The following HERC1 variants were observed in gnomAD, a reference collection of about 807,000 sequenced individuals.
HERC1 encodes the protein probable E3 ubiquitin-protein ligase HERC1.
In HERC1, 160 loss-of-function variants were observed where a neutral mutation model predicts 554.3. The observed-to-expected ratio is 0.29, with a 90% CI of 0.25 to 0.33. The LOEUF (loss-of-function observed/expected upper bound fraction) is 0.33. HERC1 is among the 10% of genes least tolerant of loss of function. The pLI is 1.00. For missense variants in HERC1, 4,919 were observed against 5,918.5 expected (o/e 0.83, Z 5.54); for synonymous variants, 2,175 against 2,131.7 (o/e 1.02, Z -0.56).
At chr15:63,713,311 G>A in intron 23 of HERC1, 42 bp downstream of exon 23, 2 of 1,492,536 alleles carry the variant, frequency 1.3e-6, no homozygotes, top group East Asian at 2.3e-5. Context: ...AGTAATAAAG[G>A]GAAGTGAGTA....
chr15:63,689,632 T>A lies in HERC1; in HGVS notation c.6005A>T (p.His2002Leu), dbSNP rs2071988466. The A allele has an allele frequency of 6.3e-7, 1 of 1,585,410 alleles. No individual in the cohort carries two copies. The change falls in exon 33 of 78, where the codon CAT (histidine) becomes CTT (leucine). Residue 2002 changes from histidine (H) to leucine (L), a missense_variant. Around this residue, in one of 11 missense-constraint regions of HERC1, gnomAD observed 1,121 missense variants for 1,244.0 expected, o/e 0.90. Transcript: ENST00000443617. The part of the protein sequence containing the change: ...MWETPIAQAK[H>L]AIQIKEKEQE... ...TTCTTTTTCCTTTATCTGAATAGCA[T>A]GTTTGGCCTGAGCAATGGGTGTCTC...
chr15:63,617,252 C>T (rs1021654435), intron 74 of HERC1, among the ~76,000 whole-genome samples: 3 of 152,166 alleles, frequency 2.0e-5, no homozygotes, highest in South Asian at 2.1e-4. Context: ...TGAGTGAGAA[C>T]ACGAAGTGTT....
At chr15:63,682,863 C>G (rs2071547951) in intron 34 of HERC1, among the ~76,000 whole-genome samples, 1 of 151,198 alleles carries the variant, frequency 6.6e-6, no homozygotes, top group Non-Finnish European at 1.5e-5. Context: ...AGGCTGGGCA[C>G]AATGGCTCAT....
In HERC1 at chr15:63,616,038, G is replaced by A. The variant is rs939066403; in HGVS notation, c.13942-118C>T. 2.1e-5 allele frequency: 18 copies of A among 876,066 alleles called. No individual in the cohort carries two copies. In the Admixed American group the frequency reaches 3.2e-4, roughly 15 times the overall value. 54.3% of individuals were successfully genotyped at this position (876,066 alleles called of 1,614,324 possible). A position where few individuals can be genotyped will look rare whatever the true frequency, so the allele number is the denominator to read the frequency against. ...CACAATTTTTAAGGATAAAAACAAG[G>A]AACACAAAACAGGTAGGACTGATCA... On this transcript the variant is annotated intron_variant, in intron 75 of 77. Transcript: ENST00000443617.
chr15:63,747,235 G>A (rs2075087781), intron 11 of HERC1, among the ~76,000 whole-genome samples, 152 bp from the exon 12 acceptor site: 2 of 152,096 alleles, frequency 1.3e-5, no homozygotes, highest in East Asian at 3.9e-4. Flanking sequence ...GGAGGTGGGT[G>A]GATCACCTGA....
At chr15:63,763,958 C>T in intron 3 of HERC1, 138 bp downstream of exon 3, 3 of 144,904 alleles carry the variant, frequency 2.1e-5, no homozygotes, top group Non-Finnish European at 4.4e-5. Context: ...ATACCCAGTT[C>T]CTCTCTCTAG....
At chr15:63,725,224 G>C (rs1027618493) in intron 18 of HERC1, 68 bp downstream of exon 18, 1 of 1,358,424 alleles carries the variant, frequency 7.4e-7, no homozygotes, top group Admixed American at 2.0e-5. Flanking sequence ...TAGCAAATCA[G>C]AATAGAGAAA....
chr15:63,726,289 A>G (rs2074037915), intron 17 of HERC1, among the ~76,000 whole-genome samples: 2 of 152,280 alleles, frequency 1.3e-5, no homozygotes, highest in South Asian at 4.1e-4. Context: ...GCCCAGATCC[A>G]TGCTTTTTTA....
chr15:63,761,489 AG>A (rs1330113115), intron 3 of HERC1, among the ~76,000 whole-genome samples: 1 of 151,844 alleles, frequency 6.6e-6, no homozygotes, highest in African/African-American at 2.4e-5. Context: ...TGGGAGGCTG[AG>A]GCTGGAAGAT....
intron 2 of HERC1, 147 bp downstream of exon 2, chr15:63,774,547 C>T: frequency 3.1e-6 from 2 of 652,290 alleles, no homozygotes; most frequent in Non-Finnish European, 5.2e-6. Context: ...ATAAAAGTTT[C>T]TTCACTCCAA....
intron 19 of HERC1, among the ~76,000 whole-genome samples, chr15:63,721,728 A>T (rs1012856482): frequency 2.0e-5 from 3 of 152,222 alleles, no homozygotes; most frequent in Non-Finnish European, 4.4e-5. Flanking sequence ...ACAGGATAAG[A>T]GAATGACACA....
intron 30 of HERC1, 38 bp downstream of exon 30, chr15:63,693,926 T>C: frequency 2.0e-6 from 3 of 1,531,078 alleles, no homozygotes; most frequent in Non-Finnish European, 2.6e-6. Flanking sequence ...TTTTAATAAA[T>C]GCTTGTAAGT....
chr15:63,713,824 A>G, intron 22 of HERC1, 159 bp from the exon 23 acceptor site: 1 of 566,714 alleles, frequency 1.8e-6, no homozygotes, highest in Non-Finnish European at 3.1e-6. Context: ...CTTAGTTAAA[A>G]TTACATTTAA....
chr15:63,658,862 T>C, intron 47 of HERC1, 144 bp from the exon 48 acceptor site: 1 of 545,680 alleles, frequency 1.8e-6, no homozygotes. Context: ...AGAAAATTTC[T>C]TAGGAGAAAC....
At chr15:63,826,796 A>ATATAT (rs1400631812) in intron 1 of HERC1, among the ~76,000 whole-genome samples, 7 of 52,360 alleles carry the variant, frequency 1.3e-4, no homozygotes, top group African/African-American at 5.4e-4. Flanking sequence ...AAAAAAAAAA[A>ATATAT]AAAAAAAAAA....
chr15:63,832,618 AACAG>A (rs1243744995), intron 1 of HERC1, among the ~76,000 whole-genome samples: 3 of 152,210 alleles, frequency 2.0e-5, no homozygotes, highest in African/African-American at 7.2e-5. Flanking sequence ...ACTAGACCCA[AACAG>A]ACAATGTTTT....
At chr15:63,642,392 C>A (rs888077712) in intron 59 of HERC1, among the ~76,000 whole-genome samples, 1 of 152,018 alleles carries the variant, frequency 6.6e-6, no homozygotes, top group African/African-American at 2.4e-5. Context: ...GGTTGGAGTA[C>A]AATGGCGCAG....
chr15:63,810,394 T>C (rs1019689245), intron 1 of HERC1, among the ~76,000 whole-genome samples: 3 of 152,010 alleles, frequency 2.0e-5, no homozygotes, highest in African/African-American at 2.4e-5. Flanking sequence ...AACTATTATG[T>C]TTCATGAAAT....
intron 11 of HERC1, 105 bp from the exon 12 acceptor site, chr15:63,747,188 G>T (rs111972512): frequency 2.1e-6 from 2 of 964,168 alleles, no homozygotes. Context: ...GGCTAGGTGC[G>T]GTGGCTCATG....
Sources: gnomAD v4.1 joint callset for allele counts (sites outside exome capture counted in the v4.1 genomes callset) on GRCh38, gnomAD v4.1.1 for gene constraint, gnomAD v4.1.1 regional missense constraint, MANE v1.5 for transcripts, NCBI Gene and HGNC (gene_info 2026-07-23, HGNC 2026-07-21) for gene names.